Variants in RPF1 observed in about 807,000 individuals in gnomAD.
RPF1 encodes ribosome production factor 1 homolog, also known as ribosome production factor 1.
Under a neutral mutation model 41.9 loss-of-function variants are expected in RPF1, and 34 were observed. The observed-to-expected ratio is 0.81, with a 90% confidence interval of 0.62 to 1.08. RPF1 has a LOEUF of 1.08. Ranked by LOEUF, RPF1 falls within the 50% of genes least tolerant of loss-of-function variation. The probability of loss-of-function intolerance (pLI) is 0.00; values close to 1 mark genes in which losing one functional copy is unlikely to be tolerated. For missense variants in RPF1, 425 were observed against 435.2 expected, an observed-to-expected ratio of 0.98 and a Z score of 0.21; for synonymous variants, 140 against 148.9, an observed-to-expected ratio of 0.94 and a Z score of 0.43.
intron 1 of RPF1, 66 bp from the exon 2 acceptor site, chr1:84,480,890 T>C: frequency 1.2e-6 from 1 of 830,180 alleles, no homozygotes; most frequent in Non-Finnish European, 2.0e-6. Flanking sequence ...ATTTGTAGTT[T>C]CAGTATGTGT....
At chr1:84,492,313 C>G (rs1343793190) in intron 5 of RPF1, among the ~76,000 whole-genome samples, 1 of 152,100 alleles carries the variant, frequency 6.6e-6, no homozygotes, top group Non-Finnish European at 1.5e-5. Context: ...TTCTAAAGAC[C>G]ATTGGAGGGG....
chr1:84,484,148 TGTAA>T (rs1225707398), intron 3 of RPF1, among the ~76,000 whole-genome samples: 2 of 152,234 alleles, frequency 1.3e-5, no homozygotes, highest in Non-Finnish European at 1.5e-5. Context: ...TGCAATTTTA[TGTAA>T]GTAAGGTGTT....
At chr1:84,497,287 C>CG (rs1681958990) in intron 8 of RPF1, 142 bp from the exon 9 acceptor site, 2 of 613,802 alleles carry the variant, frequency 3.3e-6, no homozygotes, top group Non-Finnish European at 5.8e-6. Context: ...ACTGACTATT[C>CG]GGGGTCTCGC....
intron 1 of RPF1, among the ~76,000 whole-genome samples, chr1:84,480,382 A>G (rs1039166129): frequency 2.6e-5 from 4 of 152,238 alleles, no homozygotes; most frequent in Non-Finnish European, 4.4e-5. Context: ...TTTGTCAAGC[A>G]TTCTATCTAG....
intron 3 of RPF1, among the ~76,000 whole-genome samples, chr1:84,486,104 G>A (rs1185808702): frequency 6.6e-6 from 1 of 152,164 alleles, no homozygotes; most frequent in Non-Finnish European, 1.5e-5. Context: ...AGGCAGGAGT[G>A]TATCGAATAT....
intron 5 of RPF1, among the ~76,000 whole-genome samples, chr1:84,490,861 C>T (rs1442664216): frequency 6.6e-6 from 1 of 152,050 alleles, no homozygotes; most frequent in Non-Finnish European, 1.5e-5. Flanking sequence ...GGAAAGACTT[C>T]CCATAGAAAG....
chr1:84,495,324 A>C, intron 5 of RPF1, 49 bp from the exon 6 acceptor site: 1 of 859,856 alleles, frequency 1.2e-6, no homozygotes, highest in Middle Eastern at 3.2e-4. Flanking sequence ...TTAAACAATT[A>C]GATTTAGATT....
chr1:84,484,683 CT>C (rs34645953), intron 3 of RPF1, among the ~76,000 whole-genome samples: 458 of 140,908 alleles, frequency 3.3e-3, no homozygotes, highest in African/African-American at 3.3e-3. Context: ...GACCAGAAGT[CT>C]TTTTTTTTTT....
Position 84,497,458 on chromosome 1 carries a change from A to T in RPF1, c.1038A>T (p.Lys346Asn), listed in dbSNP as rs770273782. The change falls in exon 9 of 9, where the codon AAA becomes AAT. Residue 346 changes from lysine to asparagine, a missense_variant. By Grantham distance (94) the Lys-to-Asn change is moderately conservative (BLOSUM62 0). Coordinates refer to ENST00000370654, the MANE Select transcript of RPF1 (RefSeq NM_025065.7). ...GGGAAATGGATACAAGTAGAAGAAAATTCCATTTATAAAGTACTGAGAGAA... is the reference window on the plus strand; with the variant it reads ...GGGAAATGGATACAAGTAGAAGAAATTTCCATTTATAAAGTACTGAGAGAA... ...KPREMDTSRR[K>N]FHL The T allele has an allele frequency of 5.9e-5, 95 of 1,611,394 alleles. No individual in the cohort carries two copies. Among genetic ancestry groups the T allele is most frequent in the Admixed American group, 8.4e-5 (5 of 59,748 alleles).
Position 84,489,752 on chromosome 1 carries a change from T to G in RPF1, c.462+24T>G, listed in dbSNP as rs745417066. The G allele has an allele frequency of 1.4e-5, 18 of 1,271,746 alleles. No homozygotes were observed. The East Asian group carries it at 3.9e-4, about 28-fold the overall frequency. The allele number at this position is 1,271,746 out of a possible 1,614,324, so 78.8% of individuals were successfully genotyped here. A position where few individuals can be genotyped will look rare whatever the true frequency, so the allele number is the denominator to read the frequency against. ...GGGTAAACACATTGATTAATTTAGT[T>G]CTTGAATTCTTAATTTTCTTATTAC... On this transcript the variant is annotated intron_variant, in intron 4 of 8. Transcript: ENST00000370654.
chr1:84,495,490 C>T (rs759241056), intron 6 of RPF1, 35 bp downstream of exon 6: 2 of 877,324 alleles, frequency 2.3e-6, no homozygotes, highest in Non-Finnish European at 3.7e-6. Flanking sequence ...TGGCATTGAT[C>T]TCTTCACAAT....
Position 84,479,521 on chromosome 1 carries a change from GC to G in RPF1, c.228+13del. On this transcript the variant is annotated intron_variant, in intron 1 of 8. Coordinates refer to ENST00000370654, the MANE Select transcript of RPF1 (RefSeq NM_025065.7). ...AGCAGCAGCGGAAGGTACGCGAGAGGCGGGGGCTGCCGGGCGCTTGCGCGTT... is the reference window on the plus strand; with the variant it reads ...AGCAGCAGCGGAAGGTACGCGAGAGGGGGGGCTGCCGGGCGCTTGCGCGTT... 1 of 1,612,322 alleles carries G rather than the reference GC, an allele frequency of 6.2e-7. No individual in the cohort carries two copies. Among genetic ancestry groups the G allele is most frequent in the Non-Finnish European group, 8.5e-7 (1 of 1,178,642 alleles).
intron 5 of RPF1, among the ~76,000 whole-genome samples, chr1:84,494,447 A>G (rs1422070842): frequency 3.3e-5 from 5 of 152,216 alleles, no homozygotes; most frequent in Non-Finnish European, 7.3e-5. Context: ...TAAGTTGTTG[A>G]ATCAGATGAA....
At chr1:84,495,118 T>C (rs997858483) in intron 5 of RPF1, among the ~76,000 whole-genome samples, 1 of 152,200 alleles carries the variant, frequency 6.6e-6, no homozygotes, top group Non-Finnish European at 1.5e-5. Flanking sequence ...TAAGATACCC[T>C]ATTGAGCGTG....
At chr1:84,497,178 C>G (rs1342120234) in intron 8 of RPF1, among the ~76,000 whole-genome samples, 2 of 150,600 alleles carry the variant, frequency 1.3e-5, no homozygotes, top group Non-Finnish European at 3.0e-5. Flanking sequence ...CCTAAAACAT[C>G]CTTTTCTATC....
At chr1:84,480,229 A>G (rs1166906210) in intron 1 of RPF1, among the ~76,000 whole-genome samples, 3 of 152,198 alleles carry the variant, frequency 2.0e-5, no homozygotes, top group South Asian at 4.1e-4. Context: ...CTGTTTCAAT[A>G]CATACAAGGG....
At chr1:84,481,045 C>A (rs774918891) in intron 2 of RPF1, 33 bp downstream of exon 2, 37 of 1,277,088 alleles carry the variant, frequency 2.9e-5, no homozygotes, top group Non-Finnish European at 4.0e-5. Context: ...TGCTTTCTAT[C>A]TTATATTAGG....
intron 3 of RPF1, among the ~76,000 whole-genome samples, chr1:84,484,322 T>C (rs1317427797): frequency 6.6e-6 from 1 of 152,150 alleles, no homozygotes; most frequent in African/African-American, 2.4e-5. Flanking sequence ...TCTCATTTTG[T>C]TTTTTATGAG....
intron 3 of RPF1, chr1:84,483,309 C>CA (rs1275760060): frequency 3.7e-6 from 1 of 271,592 alleles, no homozygotes; most frequent in African/African-American, 2.2e-5. Context: ...CTCTGTCGCC[C>CA]ATGCTGGAGT....
Sources: allele counts gnomAD v4.1 joint callset (sites outside exome capture counted in the v4.1 genomes callset), GRCh38; gene constraint gnomAD v4.1.1; transcripts MANE v1.5; gene names NCBI Gene and HGNC (gene_info 2026-07-23, HGNC 2026-07-21).